INPP5A: variants seen among roughly 807,000 people sequenced by gnomAD.
INPP5A encodes the protein inositol polyphosphate-5-phosphatase A, also known as 43 kDa inositol polyphosphate 5-phophatase.
INPP5A carries 14 observed loss-of-function variants against 65.2 expected under a neutral mutation model. The ratio of observed to expected loss-of-function variants is 0.21; its 90% CI spans 0.14 to 0.34. INPP5A has a LOEUF of 0.34. Among genes scored for constraint, INPP5A ranks in the 10% least tolerant of loss-of-function variants. The probability of loss-of-function intolerance (pLI) is 1.00; values close to 1 mark genes in which losing one functional copy is unlikely to be tolerated. For synonymous variants in INPP5A, 207 were observed against 208.3 expected, an observed-to-expected ratio of 0.99 and a Z score of 0.05; for missense variants, 431 against 545.6, an observed-to-expected ratio of 0.79 and a Z score of 2.09.
At chr10:132,774,854 C>T (rs201072830) in intron 12 of INPP5A, among the ~76,000 whole-genome samples, 4 of 31,228 alleles carry the variant, frequency 1.3e-4, no homozygotes, top group South Asian at 1.4e-3. Flanking sequence ...TAGGGAGAGA[C>T]GGGCAGGGAG....
chr10:132,608,859 G>A (rs1286661072), intron 2 of INPP5A, among the ~76,000 whole-genome samples: 1 of 152,218 alleles, frequency 6.6e-6, no homozygotes, highest in South Asian at 2.1e-4. Context: ...GGGGCCCTCT[G>A]TGAGGGCATG....
chr10:132,736,867 G>T (rs112447495), intron 9 of INPP5A, among the ~76,000 whole-genome samples: 3,636 of 152,320 alleles, frequency 0.024, 134 homozygotes, highest in African/African-American at 0.082. Flanking sequence ...CCCCAGCCAG[G>T]CTCCAGGTGA....
intron 9 of INPP5A, among the ~76,000 whole-genome samples, chr10:132,728,168 G>T (rs1299441407): frequency 6.6e-6 from 1 of 152,242 alleles, no homozygotes; most frequent in African/African-American, 2.4e-5. Context: ...GTGGCTCCTG[G>T]TCGAGGCATC....
At chr10:132,710,078 T>C (rs1238184552) in intron 7 of INPP5A, among the ~76,000 whole-genome samples, 1 of 152,270 alleles carries the variant, frequency 6.6e-6, no homozygotes, top group East Asian at 1.9e-4. Flanking sequence ...CTGTAAGTTT[T>C]TCTCTTTAAA....
At chr10:132,731,652 C>T (rs1272694224) in intron 9 of INPP5A, among the ~76,000 whole-genome samples, 1 of 152,200 alleles carries the variant, frequency 6.6e-6, no homozygotes, top group Non-Finnish European at 1.5e-5. Flanking sequence ...GCCTCCGTTG[C>T]ATCTGCTGGG....
chr10:132,572,156 C>A (rs887664127), intron 1 of INPP5A, among the ~76,000 whole-genome samples: 4 of 152,248 alleles, frequency 2.6e-5, no homozygotes, highest in African/African-American at 9.6e-5. Flanking sequence ...TGGCCGGAAA[C>A]CCACAGGGTA....
rs1035968527 is a variant in INPP5A, at chr10:132,762,169, C to A, written c.904-3604C>A. ...AGAGGAGGGAAGAGCCCAGCGCTTG[C>A]GCAGTGAGGGTCCACGAGGGGCACA... On this transcript the variant is annotated intron_variant, in intron 11 of 15. Coordinates refer to ENST00000368594, the MANE Select transcript of INPP5A (RefSeq NM_005539.5). The surrounding 1 kb of genome is among the most constrained non-coding windows in gnomAD (Gnocchi z 4.6). Among the ~76,000 whole-genome samples the A allele has an allele frequency of 6.6e-6, 1 of 152,082 alleles. No individual in the cohort carries two copies. The highest frequency in any genetic ancestry group is 1.5e-5 in the Non-Finnish European group (1 of 68,028).
intron 3 of INPP5A, among the ~76,000 whole-genome samples, chr10:132,649,875 G>T (rs573544371): frequency 6.6e-6 from 1 of 152,296 alleles, no homozygotes; most frequent in Non-Finnish European, 1.5e-5. Context: ...AGGATGAACG[G>T]TCGGGGACAA....
At chr10:132,743,894 G>T (rs781677845) in intron 9 of INPP5A, among the ~76,000 whole-genome samples, 25 of 152,244 alleles carry the variant, frequency 1.6e-4, no homozygotes, top group Non-Finnish European at 4.4e-5. Context: ...CCTGGTTTTA[G>T]TGCATTCACT....
At chr10:132,689,928 A>G (rs528525094) in intron 4 of INPP5A, among the ~76,000 whole-genome samples, 3 of 152,368 alleles carry the variant, frequency 2.0e-5, no homozygotes, top group African/African-American at 7.2e-5. Context: ...AGGCCCCAGG[A>G]CGAAGCCGAG....
At chr10:132,719,244 G>T (rs1269113022) in intron 8 of INPP5A, among the ~76,000 whole-genome samples, 2 of 149,636 alleles carry the variant, frequency 1.3e-5, no homozygotes, top group Non-Finnish European at 3.0e-5. Flanking sequence ...GTGGTACCTG[G>T]GTTCTGTCTG....
intron 1 of INPP5A, among the ~76,000 whole-genome samples, chr10:132,592,725 ATTAATT>A (rs1413262517): frequency 2.0e-5 from 3 of 152,222 alleles, no homozygotes; most frequent in Non-Finnish European, 1.5e-5. Flanking sequence ...TTAAAATAAT[ATTAATT>A]TTATTTTCTG....
At chr10:132,749,494 T>G (rs779772579) in intron 9 of INPP5A, 23 bp from the exon 10 acceptor site, 1 of 1,610,624 alleles carries the variant, frequency 6.2e-7, no homozygotes, top group Admixed American at 1.7e-5. Context: ...CTGGGACTTA[T>G]CTCCGTTGCT....
At chr10:132,596,531 G>A (rs1405210351) in intron 1 of INPP5A, among the ~76,000 whole-genome samples, 3 of 151,814 alleles carry the variant, frequency 2.0e-5, no homozygotes, top group Non-Finnish European at 4.4e-5. Context: ...AGGTTCAAGC[G>A]ATTCCCCTGC....
chr10:132,665,241 C>T (rs188847345), intron 4 of INPP5A, among the ~76,000 whole-genome samples: 7 of 152,338 alleles, frequency 4.6e-5, no homozygotes, highest in African/African-American at 7.2e-5. Flanking sequence ...TCCCAGACAG[C>T]GCACCCCGCA....
intron 4 of INPP5A, among the ~76,000 whole-genome samples, chr10:132,682,415 A>G (rs761756896): frequency 2.0e-5 from 3 of 152,266 alleles, no homozygotes; most frequent in Non-Finnish European, 2.9e-5. Context: ...GCATTTTACC[A>G]CAGCCACACA....
intron 2 of INPP5A, among the ~76,000 whole-genome samples, chr10:132,608,470 G>T (rs1381349851): frequency 6.6e-6 from 1 of 152,248 alleles, no homozygotes; most frequent in East Asian, 1.9e-4. Flanking sequence ...CCGGTACTGT[G>T]CTGTGCTCTG....
chr10:132,595,454 C>T (rs193251616), intron 1 of INPP5A, among the ~76,000 whole-genome samples: 2 of 152,298 alleles, frequency 1.3e-5, no homozygotes, highest in African/African-American at 2.4e-5. Context: ...AGTTCACTGC[C>T]GTCCTCACCT....
At chr10:132,596,875 G>A (rs2071699879) in intron 1 of INPP5A, among the ~76,000 whole-genome samples, 1 of 148,022 alleles carries the variant, frequency 6.8e-6, no homozygotes, top group Admixed American at 7.0e-5. Flanking sequence ...GTGCATGTGT[G>A]TGCATGCACG....
Sources: gnomAD v4.1 joint callset for allele counts (sites outside exome capture counted in the v4.1 genomes callset) on GRCh38, gnomAD v4.1.1 for gene constraint, Gnocchi (gnomAD v3.1) non-coding constraint, MANE v1.5 for transcripts, NCBI Gene and HGNC (gene_info 2026-07-23, HGNC 2026-07-21) for gene names.